Variants in TEAD1 observed in about 807,000 individuals in gnomAD.
TEAD1 encodes TEA domain transcription factor 1.
In TEAD1, 9 loss-of-function variants were observed where a neutral mutation model predicts 54.9. The ratio of observed to expected loss-of-function variants is 0.16; its 90% CI spans 0.10 to 0.29. TEAD1 has a LOEUF of 0.29. Among genes scored for constraint, TEAD1 ranks in the 10% least tolerant of loss-of-function variants. The pLI, the probability that TEAD1 is intolerant of heterozygous loss-of-function variation, is 1.00. For synonymous variants in TEAD1, 200 were observed against 187.8 expected (o/e 1.07, Z -0.53); for missense variants, 387 against 535.9 (o/e 0.72, Z 2.74).
intron 12 of TEAD1, 129 bp downstream of exon 12, chr11:12,930,455 A>G (rs1279657321): frequency 8.8e-6 from 10 of 1,139,366 alleles, no homozygotes; most frequent in Non-Finnish European, 1.3e-5. Flanking sequence ...TTGGGTTCCT[A>G]GTGGTCAGTC....
intron 2 of TEAD1, among the ~76,000 whole-genome samples, chr11:12,683,418 A>G (rs1033523506): frequency 1.3e-5 from 2 of 152,048 alleles, no homozygotes; most frequent in Non-Finnish European, 2.9e-5. Flanking sequence ...TTACACGTTT[A>G]TATTTTTTAG....
intron 8 of TEAD1, 100 bp from the exon 9 acceptor site, chr11:12,882,901 C>T: frequency 6.3e-7 from 1 of 1,583,324 alleles, no homozygotes; most frequent in Non-Finnish European, 8.7e-7. Context: ...GGGCTGTTGG[C>T]ATTTCCTTCT....
chr11:12,677,891 G>A (rs1943130960), intron 2 of TEAD1, among the ~76,000 whole-genome samples: 2 of 152,172 alleles, frequency 1.3e-5, no homozygotes, highest in Non-Finnish European at 2.9e-5. Flanking sequence ...TGTGTTATGT[G>A]TTAATTGTGA....
chr11:12,926,858 G>A (rs1039379864), intron 11 of TEAD1, among the ~76,000 whole-genome samples: 6 of 152,186 alleles, frequency 3.9e-5, no homozygotes, highest in Non-Finnish European at 7.3e-5. Context: ...ACATGGCTGG[G>A]ACGCCTGGAA....
chr11:12,707,973 A>G (rs1166368857), intron 2 of TEAD1, among the ~76,000 whole-genome samples: 1 of 152,222 alleles, frequency 6.6e-6, no homozygotes. Flanking sequence ...CTCATGCTAC[A>G]TTGACTGGTG....
chr11:12,834,609 A>T (rs1048467028), intron 3 of TEAD1, among the ~76,000 whole-genome samples: 2 of 151,980 alleles, frequency 1.3e-5, no homozygotes, highest in African/African-American at 4.8e-5. Flanking sequence ...AATTAAAGAT[A>T]TTTTTTGTTT....
chr11:12,749,523 C>T (rs1319837506), intron 2 of TEAD1, among the ~76,000 whole-genome samples: 9 of 152,090 alleles, frequency 5.9e-5, no homozygotes, highest in African/African-American at 2.2e-4. Context: ...TCAGCAGACT[C>T]ATTTTGCTGG....
At chr11:12,881,096 C>T in intron 7 of TEAD1, 45 bp downstream of exon 7, 1 of 1,606,622 alleles carries the variant, frequency 6.2e-7, no homozygotes, top group Non-Finnish European at 8.5e-7. Context: ...GGGCTGGTCC[C>T]AGCCCACGTG....
chr11:12,688,258 G>A (rs905573440), intron 2 of TEAD1, among the ~76,000 whole-genome samples: 1 of 152,166 alleles, frequency 6.6e-6, no homozygotes, highest in African/African-American at 2.4e-5. Context: ...CTTGCCCAGA[G>A]CCCTTCATAA....
chr11:12,726,646 A>AT (rs1232863038), intron 2 of TEAD1, among the ~76,000 whole-genome samples: 2 of 152,118 alleles, frequency 1.3e-5, no homozygotes, highest in Non-Finnish European at 2.9e-5. Flanking sequence ...AGGCTGGCCA[A>AT]TTGCTTGAGC....
At chr11:12,762,653 A>G (rs573948578) in intron 2 of TEAD1, among the ~76,000 whole-genome samples, 17 of 152,124 alleles carry the variant, frequency 1.1e-4, no homozygotes, top group Admixed American at 2.0e-4. Context: ...AGGTGCTGCC[A>G]AGTCTACAAA....
At chr11:12,763,595 G>A (rs1237514696) in intron 2 of TEAD1, among the ~76,000 whole-genome samples, 2 of 152,194 alleles carry the variant, frequency 1.3e-5, no homozygotes, top group East Asian at 3.8e-4. Context: ...CCTTGATCCT[G>A]CCACCATCTT....
rs1243339263 is a variant in TEAD1 at position 12,758,248 on chromosome 11, AT to A, written c.-54-5921del. On this transcript the variant is annotated intron_variant, in intron 2 of 12. Transcript: ENST00000527636. ...TTTTTGTTTTGTTTTTTTTTTTTTAATTTTTTTTTTGTGATGGAGTCTCACT... is the reference window on the plus strand; with the variant it reads ...TTTTTGTTTTGTTTTTTTTTTTTTAATTTTTTTTTGTGATGGAGTCTCACT... 4.2e-4 allele frequency among the ~76,000 whole-genome samples: 59 copies of A among 140,006 alleles called. 1 individual carries two copies. Among genetic ancestry groups the A allele is most frequent in the African/African-American group, 1.2e-3 (44 of 37,574 alleles). The allele number at this position is 140,006 out of a possible 152,430, so 91.8% of individuals were successfully genotyped here.
intron 3 of TEAD1, among the ~76,000 whole-genome samples, chr11:12,800,859 C>T (rs1286708461): frequency 3.3e-5 from 5 of 152,190 alleles, no homozygotes; most frequent in African/African-American, 1.2e-4. Context: ...ATATAGCTGT[C>T]TTTATCTTAG....
At chr11:12,865,612 A>ATT (rs1292616015) in intron 5 of TEAD1, 1 of 151,558 alleles carries the variant, frequency 6.6e-6, no homozygotes, top group South Asian at 2.1e-4. Context: ...GTTTGCTTAA[A>ATT]TTTTTTTTTA....
At chr11:12,749,499 A>T (rs964976796) in intron 2 of TEAD1, among the ~76,000 whole-genome samples, 1 of 152,132 alleles carries the variant, frequency 6.6e-6, no homozygotes, top group African/African-American at 2.4e-5. Flanking sequence ...TGGCCTTTGC[A>T]TATTTTACTG....
intron 12 of TEAD1, among the ~76,000 whole-genome samples, chr11:12,931,873 G>A (rs538926298): frequency 2.0e-5 from 3 of 152,262 alleles, no homozygotes; most frequent in African/African-American, 7.2e-5. Flanking sequence ...CCCCACCCTG[G>A]ATGAATAAAA....
intron 2 of TEAD1, among the ~76,000 whole-genome samples, chr11:12,723,719 A>G (rs1301114019): frequency 6.6e-6 from 1 of 152,220 alleles, no homozygotes; most frequent in Non-Finnish European, 1.5e-5. Flanking sequence ...TTCAACTTAT[A>G]AAATGTAGGT....
At chr11:12,743,868 G>C (rs1026341239) in intron 2 of TEAD1, among the ~76,000 whole-genome samples, 10 of 152,222 alleles carry the variant, frequency 6.6e-5, no homozygotes, top group African/African-American at 2.4e-4. Flanking sequence ...TTGTTGAATA[G>C]TGAGGAGACC....
Sources: allele counts gnomAD v4.1 joint callset (sites outside exome capture counted in the v4.1 genomes callset), GRCh38; gene constraint gnomAD v4.1.1; transcripts MANE v1.5; gene names NCBI Gene and HGNC (gene_info 2026-07-23, HGNC 2026-07-21).